Variants in SYT1 observed in about 807,000 individuals in gnomAD.
The protein encoded by SYT1 is synaptotagmin-1.
In SYT1, 8 loss-of-function variants were observed where a neutral mutation model predicts 44.8. That is an observed-to-expected ratio of 0.18 (90% CI 0.10 to 0.32). The LOEUF (loss-of-function observed/expected upper bound fraction) is 0.32. Among genes scored for constraint, SYT1 ranks in the 10% least tolerant of loss-of-function variants. SYT1 has a pLI of 1.00. For synonymous variants in SYT1, 154 were observed against 188.8 expected, an observed-to-expected ratio of 0.82 and a Z score of 1.51; for missense variants, 286 against 509.3, an observed-to-expected ratio of 0.56 and a Z score of 4.22.
At chr12:79,138,632 A>G (rs574568778) in intron 3 of SYT1, among the ~76,000 whole-genome samples, 2 of 152,044 alleles carry the variant, frequency 1.3e-5, no homozygotes, top group East Asian at 3.9e-4. Context: ...ACAAATACAC[A>G]TACATATTAT....
At chr12:79,283,266 A>C (rs1305402019) in intron 4 of SYT1, among the ~76,000 whole-genome samples, 1 of 152,202 alleles carries the variant, frequency 6.6e-6, no homozygotes, top group Non-Finnish European at 1.5e-5. Flanking sequence ...AAAGTTATTC[A>C]GAAGATCAAC....
intron 9 of SYT1, among the ~76,000 whole-genome samples, chr12:79,414,912 A>G (rs139997942): frequency 6.6e-6 from 1 of 152,246 alleles, no homozygotes; most frequent in East Asian, 1.9e-4. Flanking sequence ...CATTTCTCCA[A>G]AAGGAATATA....
chr12:79,069,078 A>G (rs768356132), intron 3 of SYT1, among the ~76,000 whole-genome samples: 1 of 152,182 alleles, frequency 6.6e-6, no homozygotes, highest in African/African-American at 2.4e-5. Context: ...CTAGAGTTCA[A>G]TAAAGGAAAG....
chr12:79,301,886 GGTTATA>G (rs1297129850), intron 8 of SYT1, among the ~76,000 whole-genome samples: 10 of 152,072 alleles, frequency 6.6e-5, no homozygotes, highest in African/African-American at 2.4e-4. Flanking sequence ...TCAAGGTATA[GGTTATA>G]AAAAACTGTA....
intron 8 of SYT1, among the ~76,000 whole-genome samples, chr12:79,300,286 C>T (rs1880074110): frequency 6.6e-6 from 1 of 152,140 alleles, no homozygotes. Context: ...TAGACCAATA[C>T]TAGAAAAGCA....
chr12:79,356,477 C>T (rs186338515), intron 9 of SYT1, among the ~76,000 whole-genome samples: 133 of 152,206 alleles, frequency 8.7e-4, no homozygotes, highest in African/African-American at 3.1e-3. Context: ...AAAAACAAGT[C>T]TTGCATTTCA....
intron 4 of SYT1, among the ~76,000 whole-genome samples, chr12:79,223,247 A>C (rs1875283252): frequency 6.6e-6 from 1 of 152,216 alleles, no homozygotes; most frequent in South Asian, 2.1e-4. Context: ...CAGTCTTCAT[A>C]GACAGGCTTT....
At chr12:79,241,425 C>T (rs916215533) in intron 4 of SYT1, among the ~76,000 whole-genome samples, 1 of 152,038 alleles carries the variant, frequency 6.6e-6, no homozygotes, top group Non-Finnish European at 1.5e-5. Flanking sequence ...TGGGCGCCAC[C>T]ATGCCCGGCT....
chr12:78,955,829 T>TGTGTGTGTGTGC (rs1879184933), intron 1 of SYT1, among the ~76,000 whole-genome samples: 1 of 151,504 alleles, frequency 6.6e-6, no homozygotes, highest in African/African-American at 2.4e-5. Context: ...TGTGTGTGTG[T>TGTGTGTGTGTGC]GTGTGTGTGC....
intron 9 of SYT1, among the ~76,000 whole-genome samples, chr12:79,355,663 A>G (rs1021231436): frequency 1.3e-5 from 2 of 152,144 alleles, no homozygotes; most frequent in Non-Finnish European, 2.9e-5. Flanking sequence ...ACTCTTTTGC[A>G]AACAAACTAT....
intron 9 of SYT1, among the ~76,000 whole-genome samples, chr12:79,440,223 A>G (rs933965964): frequency 3.3e-5 from 5 of 152,128 alleles, no homozygotes; most frequent in Admixed American, 2.6e-4. Flanking sequence ...ATCTCAAAAA[A>G]AGAGAGAGAG....
At chr12:79,185,039 G>A (rs1872728493) in intron 3 of SYT1, among the ~76,000 whole-genome samples, 1 of 152,028 alleles carries the variant, frequency 6.6e-6, no homozygotes, top group Admixed American at 6.6e-5. Flanking sequence ...CTAGCAAAAG[G>A]AAGTATCAAG....
rs969506508 is a variant in SYT1, at chr12:79,377,237, G to A, written c.928+23618G>A. Among the ~76,000 whole-genome samples, 5 of 152,056 alleles carry A rather than the reference G, an allele frequency of 3.3e-5. No homozygotes were observed. The South Asian group carries it at 8.3e-4, about 25-fold the overall frequency. On this transcript the variant is annotated intron_variant, in intron 9 of 10. Transcript: ENST00000261205. The stretch of plus-strand genomic sequence containing the variant: ...CACCATTCTCCTGCCTCAGCCTCCC[G>A]AGTAGCTGGGACTGCAGGCTACCGC...
intron 1 of SYT1, among the ~76,000 whole-genome samples, chr12:78,946,402 C>T (rs912620902): frequency 5.3e-5 from 8 of 152,138 alleles, no homozygotes; most frequent in Non-Finnish European, 1.0e-4. Context: ...CACCTCTAAT[C>T]CCAGCACTTT....
intron 2 of SYT1, chr12:79,046,579 T>G (rs1418746799): frequency 6.6e-6 from 1 of 152,092 alleles, no homozygotes; most frequent in Non-Finnish European, 1.5e-5. Context: ...AAGGGTTTAA[T>G]TTTTTTACTC....
chr12:79,051,820 C>G (rs1419861173), intron 3 of SYT1, among the ~76,000 whole-genome samples: 1 of 151,938 alleles, frequency 6.6e-6, no homozygotes, highest in East Asian at 1.9e-4. Flanking sequence ...TCAGGTTTGT[C>G]AAAGATCAGA....
At chr12:78,894,952 A>G (rs974407436) in intron 1 of SYT1, among the ~76,000 whole-genome samples, 5 of 151,744 alleles carry the variant, frequency 3.3e-5, no homozygotes. Flanking sequence ...GAGGTAATGC[A>G]TATGTTTATT....
At chr12:79,405,053 T>C (rs1885197044) in intron 9 of SYT1, among the ~76,000 whole-genome samples, 1 of 152,190 alleles carries the variant, frequency 6.6e-6, no homozygotes. Flanking sequence ...GGGAAGTTGA[T>C]GTTTGTCTTT....
chr12:78,983,302 A>C (rs1219981927), intron 2 of SYT1, among the ~76,000 whole-genome samples: 2 of 152,108 alleles, frequency 1.3e-5, no homozygotes, highest in Non-Finnish European at 2.9e-5. Flanking sequence ...GATGTAAGTA[A>C]TACCAGAGTG....
Sources: gnomAD v4.1 joint callset for allele counts (sites outside exome capture counted in the v4.1 genomes callset) on GRCh38, gnomAD v4.1.1 for gene constraint, MANE v1.5 for transcripts, NCBI Gene and HGNC (gene_info 2026-07-23, HGNC 2026-07-21) for gene names.